Variants in SUPT3H observed in about 807,000 individuals in gnomAD.
SUPT3H encodes the protein transcription initiation protein SPT3 homolog.
SUPT3H carries 44 observed loss-of-function variants against 44.3 expected under a neutral mutation model. The ratio of observed to expected loss-of-function variants is 0.99; its 90% CI spans 0.78 to 1.28. The LOEUF is 1.28. Among genes scored for constraint, SUPT3H ranks in the 50% most tolerant of loss-of-function variants. The pLI is 0.00. For synonymous variants in SUPT3H, 124 were observed against 125.6 expected (o/e 0.99, Z 0.09); for missense variants, 380 against 387.1 (o/e 0.98, Z 0.15).
intron 3 of SUPT3H, among the ~76,000 whole-genome samples, chr6:45,023,810 T>C (rs973679227): frequency 2.6e-5 from 4 of 152,164 alleles, no homozygotes; most frequent in Non-Finnish European, 5.9e-5. Context: ...GGTAGTGGGC[T>C]TAATTCCTGG....
At chr6:44,924,249 C>A (rs535694467) in intron 10 of SUPT3H, among the ~76,000 whole-genome samples, 1 of 152,124 alleles carries the variant, frequency 6.6e-6, no homozygotes, top group Non-Finnish European at 1.5e-5. Context: ...GCCTGTATAG[C>A]ACATTATTAA....
At chr6:45,017,368 T>C (rs12210049) in intron 4 of SUPT3H, among the ~76,000 whole-genome samples, 31,234 of 150,430 alleles carry the variant, frequency 0.21, 4,204 homozygotes, top group Non-Finnish European at 0.29. Flanking sequence ...CATTTCTCAA[T>C]TTTGGCTTTT....
At chr6:45,061,634 G>C (rs1166430360) in intron 3 of SUPT3H, among the ~76,000 whole-genome samples, 2 of 152,038 alleles carry the variant, frequency 1.3e-5, no homozygotes, top group Non-Finnish European at 1.5e-5. Flanking sequence ...AAAGAAATTA[G>C]GGATTGTTTA....
At position 45,133,266 on chromosome 6, in the gene SUPT3H, T is replaced by C. The variant is rs143751608; in HGVS notation, c.102-27260A>G. Among the ~76,000 whole-genome samples the C allele has an allele frequency of 2.1e-3, 325 of 152,290 alleles. 1 individual carries two copies. The highest frequency in any genetic ancestry group is 7.5e-3 in the African/African-American group (310 of 41,572). ...TACACGTTCAGATCTCCAACCAACA[T>C]ACTTAGTTTCCTGCAGTCTTATCTT... On this transcript the variant is annotated intron_variant, in intron 2 of 10. Transcript: ENST00000371459.
At chr6:45,172,588 GAT>G (rs59882645) in intron 2 of SUPT3H, among the ~76,000 whole-genome samples, 594 of 38,148 alleles carry the variant, frequency 0.016, 8 homozygotes, top group African/African-American at 0.05. Flanking sequence ...CTTAAAGATA[GAT>G]ATATTTTTTT....
At chr6:45,232,897 C>T (rs62400269) in intron 2 of SUPT3H, among the ~76,000 whole-genome samples, 33,343 of 152,050 alleles carry the variant, frequency 0.22, 4,476 homozygotes, top group Non-Finnish European at 0.31. Flanking sequence ...CCCCAGCCTC[C>T]AGGAGCAGCA....
intron 2 of SUPT3H, among the ~76,000 whole-genome samples, chr6:45,122,951 T>C (rs1197158057): frequency 3.3e-5 from 5 of 152,170 alleles, no homozygotes; most frequent in Admixed American, 2.0e-4. Flanking sequence ...CTGGGGTAAA[T>C]TTCTTTACAA....
intron 10 of SUPT3H, among the ~76,000 whole-genome samples, chr6:44,858,703 G>A (rs994554887): frequency 8.5e-5 from 13 of 152,102 alleles, no homozygotes; most frequent in African/African-American, 2.4e-5. Context: ...CCTACATATT[G>A]CCATGCTAGA....
intron 2 of SUPT3H, among the ~76,000 whole-genome samples, chr6:45,119,720 G>C (rs146081257): frequency 6.6e-6 from 1 of 152,184 alleles, no homozygotes; most frequent in East Asian, 1.9e-4. Flanking sequence ...GAATCAAAGG[G>C]TGTATTCCTA....
intron 2 of SUPT3H, among the ~76,000 whole-genome samples, chr6:45,215,702 A>G (rs1461168464): frequency 6.6e-6 from 1 of 152,200 alleles, no homozygotes; most frequent in Non-Finnish European, 1.5e-5. Flanking sequence ...GAAATTATTA[A>G]GCAAACCACA....
At chr6:44,952,178 A>G (rs1292814761) in intron 9 of SUPT3H, among the ~76,000 whole-genome samples, 1 of 152,206 alleles carries the variant, frequency 6.6e-6, no homozygotes, top group Non-Finnish European at 1.5e-5. Context: ...CTATATGGGC[A>G]TATATGTTAA....
At chr6:45,158,254 T>A (rs1306625381) in intron 2 of SUPT3H, among the ~76,000 whole-genome samples, 5 of 133,884 alleles carry the variant, frequency 3.7e-5, no homozygotes, top group Non-Finnish European at 4.7e-5. Context: ...ATAATGCCTA[T>A]ATTTTATATA....
intron 3 of SUPT3H, among the ~76,000 whole-genome samples, chr6:45,047,223 A>T (rs1789544145): frequency 6.6e-6 from 1 of 152,072 alleles, no homozygotes; most frequent in African/African-American, 2.4e-5. Context: ...TGTGTAGGGC[A>T]TCTGATACAA....
chr6:45,138,340 G>A (rs1367845359), intron 2 of SUPT3H, among the ~76,000 whole-genome samples: 2 of 152,074 alleles, frequency 1.3e-5, no homozygotes, highest in Admixed American at 1.3e-4. Context: ...CCCACTCCTA[G>A]CAATTCCACT....
intron 10 of SUPT3H, among the ~76,000 whole-genome samples, chr6:44,835,338 T>A (rs1261767484): frequency 6.6e-6 from 1 of 152,140 alleles, no homozygotes; most frequent in East Asian, 1.9e-4. Context: ...CCTAATTAAC[T>A]AAGTATAGAG....
intron 2 of SUPT3H, among the ~76,000 whole-genome samples, chr6:45,220,350 A>G (rs1193977335): frequency 6.6e-6 from 1 of 152,116 alleles, no homozygotes; most frequent in East Asian, 1.9e-4. Context: ...CAACAAGCTA[A>G]AGAAGAAAAA....
intron 3 of SUPT3H, among the ~76,000 whole-genome samples, chr6:45,067,252 C>G (rs1793513929): frequency 7.0e-6 from 1 of 143,554 alleles, no homozygotes; most frequent in African/African-American, 2.6e-5. Context: ...GGAAAACTGG[C>G]TAGCCATATG....
intron 10 of SUPT3H, among the ~76,000 whole-genome samples, chr6:44,889,762 G>T (rs1315109124): frequency 6.6e-6 from 1 of 152,108 alleles, no homozygotes; most frequent in African/African-American, 2.4e-5. Context: ...ATTGACAAAT[G>T]GGATCTAATT....
chr6:45,158,265 T>C (rs60968697), intron 2 of SUPT3H, among the ~76,000 whole-genome samples: 2 of 120,596 alleles, frequency 1.7e-5, no homozygotes, highest in Non-Finnish European at 3.3e-5. Flanking sequence ...ATTTTATATA[T>C]ATAAATATAC....
Sources: allele counts gnomAD v4.1 joint callset (sites outside exome capture counted in the v4.1 genomes callset), GRCh38; gene constraint gnomAD v4.1.1; transcripts MANE v1.5; gene names NCBI Gene and HGNC (gene_info 2026-07-23, HGNC 2026-07-21).